Variants in ICA1 observed in about 807,000 individuals in gnomAD.
ICA1 encodes 69 kDa islet cell autoantigen.
In ICA1, 40 loss-of-function variants were observed where a neutral mutation model predicts 71.0. The observed-to-expected ratio is 0.56, with a 90% CI of 0.44 to 0.73. ICA1 has a LOEUF of 0.73. Among genes scored for constraint, ICA1 ranks in the 30% least tolerant of loss-of-function variants. ICA1 has a pLI of 0.00. For missense variants in ICA1, 578 were observed against 576.5 expected (o/e 1.00, Z -0.03); for synonymous variants, 207 against 209.5 (o/e 0.99, Z 0.10).
intron 2 of ICA1, 83 bp downstream of exon 2, chr7:8,235,827 T>C: frequency 7.1e-7 from 1 of 1,418,222 alleles, no homozygotes. Context: ...GTATCTCTTG[T>C]TTTTCCATTC....
At chr7:8,254,658 T>A (rs1168861299) in intron 1 of ICA1, among the ~76,000 whole-genome samples, 1 of 151,684 alleles carries the variant, frequency 6.6e-6, no homozygotes, top group Admixed American at 6.6e-5. Context: ...ATTGGGCATG[T>A]ACCCTCTAGG....
intron 1 of ICA1, among the ~76,000 whole-genome samples, chr7:8,252,627 A>G (rs954992146): frequency 1.2e-3 from 187 of 150,948 alleles, no homozygotes; most frequent in African/African-American, 4.4e-3. Context: ...AAAAATTAAA[A>G]TGTCTCATTA....
In ICA1 at chr7:8,173,169, T is replaced by G. The variant is rs571953324; in HGVS notation, c.580-14517A>C. On this transcript the variant is annotated intron_variant, in intron 6 of 13. Coordinates refer to ENST00000402384, the MANE Select transcript of ICA1 (RefSeq NM_001136020.3). This position sits in a 1 kb window ranked among gnomAD's most constrained non-coding sequence, Gnocchi z 4.0. The stretch of plus-strand genomic sequence containing the variant: ...GCCTCTGACTATCATGTCCCCTCTC[T>G]AAGTAACCAGGGCTCCTTGACAAAA... Among the ~76,000 whole-genome samples, 1 of 152,298 alleles carries G rather than the reference T, an allele frequency of 6.6e-6. No individual in the cohort carries two copies. The highest frequency in any genetic ancestry group is 2.4e-5 in the African/African-American group (1 of 41,568).
chr7:8,141,910 A>G (rs1795358458), intron 9 of ICA1, 93 bp from the exon 10 acceptor site: 4 of 1,299,608 alleles, frequency 3.1e-6, no homozygotes, highest in Non-Finnish European at 4.2e-6. Context: ...TTCACTTTTA[A>G]CACAAACACA....
chr7:8,127,517 A>G (rs1789719261), intron 13 of ICA1, among the ~76,000 whole-genome samples: 2 of 152,162 alleles, frequency 1.3e-5, no homozygotes, highest in South Asian at 4.1e-4. Context: ...GGAAGAGGGC[A>G]TGCTTATGGG....
In ICA1 at chr7:8,223,866, A is replaced by T. The variant is rs1010109809; in HGVS notation, c.257-2468T>A. ...AGAATTCAGAGACAAAAACATTTTTATATTTACTTGCTAATTAGGTTTTCA... is the reference window on the plus strand; with the variant it reads ...AGAATTCAGAGACAAAAACATTTTTTTATTTACTTGCTAATTAGGTTTTCA... On this transcript the variant is annotated intron_variant, in intron 4 of 13. Transcript: ENST00000402384. This position sits in a 1 kb window ranked among gnomAD's most constrained non-coding sequence, Gnocchi z 4.1. Among the ~76,000 whole-genome samples, 1 of 152,244 alleles carries T rather than the reference A, an allele frequency of 6.6e-6. No homozygotes were observed. Among genetic ancestry groups the T allele is most frequent in the African/African-American group, 2.4e-5 (1 of 41,464 alleles).
At chr7:8,125,549 C>G (rs1358834339) in intron 13 of ICA1, among the ~76,000 whole-genome samples, 1 of 152,224 alleles carries the variant, frequency 6.6e-6, no homozygotes, top group Non-Finnish European at 1.5e-5. Flanking sequence ...TATCCCCAGG[C>G]TCTACTTTTT....
In ICA1 at chr7:8,244,815, T is replaced by C. The variant is rs549826852; in HGVS notation, c.-79-8810A>G. Among the ~76,000 whole-genome samples, 255 of 152,280 alleles carry C rather than the reference T, an allele frequency of 1.7e-3. 1 individual carries two copies. Among genetic ancestry groups the C allele is most frequent in the African/African-American group, 5.8e-3 (242 of 41,556 alleles). ...TAACAGACACATGAAAAAATGCTCATCATCATTGGTCATCAGAGAAATGCA... is the reference window on the plus strand; with the variant it reads ...TAACAGACACATGAAAAAATGCTCACCATCATTGGTCATCAGAGAAATGCA... On this transcript the variant is annotated intron_variant, in intron 1 of 13. Transcript: ENST00000402384.
intron 8 of ICA1, among the ~76,000 whole-genome samples, chr7:8,147,687 AACACACACACACACACAC>A (rs71014764): frequency 1.0e-4 from 15 of 145,306 alleles, no homozygotes; most frequent in African/African-American, 1.8e-4. Context: ...AGCCAAGGGG[AACACACACACACACACAC>A]ACACACACAC....
At chr7:8,209,653 T>A (rs1792919330) in intron 6 of ICA1, among the ~76,000 whole-genome samples, 1 of 152,226 alleles carries the variant, frequency 6.6e-6, no homozygotes, top group Non-Finnish European at 1.5e-5. Flanking sequence ...TTATTGAATA[T>A]CTACCAAGTG....
chr7:8,155,587 T>C (rs1438407472), intron 8 of ICA1, among the ~76,000 whole-genome samples: 2 of 152,224 alleles, frequency 1.3e-5, no homozygotes, highest in Non-Finnish European at 2.9e-5. Context: ...ATCTTCTAAC[T>C]GGTTGGTGTA....
rs10262503 is a variant in ICA1, at chr7:8,196,344, C to T, written c.579+21961G>A. On this transcript the variant is annotated intron_variant, in intron 6 of 13. Transcript: ENST00000402384. ...AGTAAAAAGATCAGTGCTTGCCAGG[C>T]GCTCAGGGAGATAGAAGGATGAATA... 1.5e-3 allele frequency among the ~76,000 whole-genome samples: 232 copies of T among 152,270 alleles called. 2 individuals are homozygous for T. Among genetic ancestry groups the T allele is most frequent in the African/African-American group, 5.3e-3 (222 of 41,556 alleles).
intron 1 of ICA1, among the ~76,000 whole-genome samples, chr7:8,253,679 C>T (rs559885215): frequency 1.8e-4 from 28 of 152,106 alleles, no homozygotes; most frequent in Non-Finnish European, 3.5e-4. Context: ...AGAAACCTGG[C>T]ATGAGAAACC....
chr7:8,209,741 G>T (rs1248486220), intron 6 of ICA1, among the ~76,000 whole-genome samples: 1 of 8,278 alleles, frequency 1.2e-4, no homozygotes, highest in Non-Finnish European at 2.2e-4. Context: ...AGTCGGCAAA[G>T]GCTCCCTGAG....
At chr7:8,262,497 G>A (rs1039093036), upstream of ICA1, 4 of 152,166 alleles carry the variant, frequency 2.6e-5, no homozygotes, top group African/African-American at 9.7e-5. Flanking sequence ...TACTCCCCGG[G>A]GTCTCTCCTC....
chr7:8,146,857 T>TACAC (rs112979260), intron 8 of ICA1, among the ~76,000 whole-genome samples: 52 of 125,476 alleles, frequency 4.1e-4, no homozygotes, highest in East Asian at 2.7e-3. Flanking sequence ...TTTATTCATG[T>TACAC]ACACACACAC....
rs780537209 is a variant in ICA1, at chr7:8,223,754, C to A, written c.257-2356G>T. On this transcript the variant is annotated intron_variant, in intron 4 of 13. Transcript: ENST00000402384. This position sits in a 1 kb window ranked among gnomAD's most constrained non-coding sequence, Gnocchi z 4.1. ...ACCAGCCTGTGCAACATAGCAAGAC[C>A]CCTGTCTCTATTACAAGAAGAAAGC... 6.6e-6 allele frequency among the ~76,000 whole-genome samples: 1 copy of A among 151,924 alleles called. No individual in the cohort carries two copies. The highest frequency in any genetic ancestry group is 1.5e-5 in the Non-Finnish European group (1 of 67,978).
At chr7:8,262,446 T>TG (rs1327555764), upstream of ICA1, 3 of 152,198 alleles carry the variant, frequency 2.0e-5, no homozygotes, top group African/African-American at 7.2e-5. Flanking sequence ...TCACCTTGCT[T>TG]GGGGAGGGTC....
At chr7:8,166,074 C>T (rs1176586689) in intron 6 of ICA1, among the ~76,000 whole-genome samples, 2 of 152,138 alleles carry the variant, frequency 1.3e-5, no homozygotes, top group Non-Finnish European at 2.9e-5. Context: ...TAGTCCTAAG[C>T]AAAACGAACA....
Sources: allele counts gnomAD v4.1 joint callset (sites outside exome capture counted in the v4.1 genomes callset), GRCh38; gene constraint gnomAD v4.1.1; non-coding constraint Gnocchi (gnomAD v3.1); transcripts MANE v1.5; gene names NCBI Gene and HGNC (gene_info 2026-07-23, HGNC 2026-07-21).